Variants in SELP observed in about 807,000 individuals in gnomAD.
SELP encodes the protein selectin P.
In SELP, 92 loss-of-function variants were observed where a neutral mutation model predicts 104.1. That is an observed-to-expected ratio of 0.88 (90% CI 0.75 to 1.05). The LOEUF (loss-of-function observed/expected upper bound fraction) is 1.05, where lower values mean the gene tolerates loss of function less well. Among genes scored for constraint, SELP ranks in the 50% least tolerant of loss-of-function variants. SELP has a pLI of 0.00. For synonymous variants in SELP, 397 were observed against 364.5 expected (o/e 1.09, Z -1.01); for missense variants, 1,022 against 1,017.3 (o/e 1.00, Z -0.06).
chr1:169,591,411 A>C lies in SELP; in HGVS notation c.2438+15T>G. 1 of 1,571,924 alleles carries C rather than the reference A, an allele frequency of 6.4e-7. No individual in the cohort carries two copies. Among genetic ancestry groups the C allele is most frequent in the South Asian group, 1.2e-5 (1 of 84,816 alleles). ...GTAGCAAAATTTACTCAATCATAAA[A>C]CATTTCTACCTTACCTGTGAGGATT... On this transcript the variant is annotated intron_variant, in intron 15 of 16. Coordinates refer to ENST00000263686, the MANE Select transcript of SELP (RefSeq NM_003005.4).
rs139709223 is a variant in SELP at position 169,611,411 on chromosome 1, C to T, written c.1147+81G>A. ...TGCAAGAACTTAGAAGAGATCACCC[C>T]GACACTGAGAGCCCTTGGCCTCTCT... On this transcript the variant is annotated intron_variant, in intron 7 of 16. Coordinates refer to ENST00000263686, the MANE Select transcript of SELP (RefSeq NM_003005.4). The T allele has an allele frequency of 1.2e-4, 175 of 1,417,298 alleles. No homozygotes were observed. In the African/African-American group the frequency reaches 1.6e-3, roughly 13 times the overall value. The allele number at this position is 1,417,298 out of a possible 1,614,324, so 87.8% of individuals were successfully genotyped here.
intron 1 of SELP, among the ~76,000 whole-genome samples, chr1:169,620,108 C>T (rs1234088970): frequency 1.2e-4 from 18 of 151,902 alleles, no homozygotes; most frequent in Middle Eastern, 3.4e-3. Flanking sequence ...CTTGGGAGGT[C>T]GAGGCAGGAG....
intron 14 of SELP, 139 bp downstream of exon 14, chr1:169,593,465 CT>C: frequency 3.1e-6 from 2 of 644,892 alleles, no homozygotes; most frequent in Admixed American, 6.0e-5. Context: ...CTTATCTTGG[CT>C]TTATTTTCTT....
At chr1:169,629,337 TTTTA>T (rs1194096512) in intron 1 of SELP, among the ~76,000 whole-genome samples, 1 of 152,262 alleles carries the variant, frequency 6.6e-6, no homozygotes, top group African/African-American at 2.4e-5. Context: ...AGAATTTTCT[TTTTA>T]TTGTAACAAT....
chr1:169,622,940 T>C (rs1008981361), intron 1 of SELP, among the ~76,000 whole-genome samples: 2 of 152,222 alleles, frequency 1.3e-5, no homozygotes, highest in Non-Finnish European at 2.9e-5. Context: ...GGATAAACTT[T>C]AAGAAATTAT....
chr1:169,596,220 T>C (rs368003987), intron 11 of SELP, 86 bp from the exon 12 acceptor site: 11 of 1,188,248 alleles, frequency 9.3e-6, no homozygotes, highest in Non-Finnish European at 1.2e-6. Flanking sequence ...ATAACTGCTT[T>C]TCACTCCCTT....
Position 169,617,086 on chromosome 1 carries a change from G to A in SELP, c.423C>T (p.Ala141=). The A allele has an allele frequency of 6.2e-7, 1 of 1,613,754 alleles. No homozygotes were observed. The highest frequency in any genetic ancestry group is 2.2e-5 in the East Asian group (1 of 44,864). ...CVEIYIKSPS[A]PGKWNDEHCL... ...AGTGCTCATCATTCCACTTGCCAGG[G>A]GCTGACGGACTCTTGATGTATATCT... The change falls in exon 3 of 17, where the codon GCC becomes GCT. Residue 141 remains alanine, a synonymous_variant. Transcript: ENST00000263686.
chr1:169,596,998 G>T lies in SELP; in HGVS notation c.1884C>A (p.Thr628=), dbSNP rs1360588287. ...TSGRWSATPP[T]CKGIASLPTP... Reference sequence around the variant, plus strand: ...GCAAGTACATATTATTACCTTTGCAGGTTGGTGGAGTAGCTGACCATCTTC... The same window carrying T: ...GCAAGTACATATTATTACCTTTGCATGTTGGTGGAGTAGCTGACCATCTTC... Residue 628 remains threonine (T), a synonymous_variant, in exon 11 of 17, where the codon ACC becomes ACA. Coordinates refer to ENST00000263686, the MANE Select transcript of SELP (RefSeq NM_003005.4). 9 of 1,611,124 alleles carry T rather than the reference G, an allele frequency of 5.6e-6. No individual in the cohort carries two copies. The highest frequency in any genetic ancestry group is 7.6e-6 in the Non-Finnish European group (9 of 1,178,566).
rs1437308003 is a variant in SELP at position 169,611,637 on chromosome 1, G to A, written c.1002C>T (p.Thr334=). 4 of 1,614,000 alleles carry A rather than the reference G, an allele frequency of 2.5e-6. No individual in the cohort carries two copies. The highest frequency in any genetic ancestry group is 1.3e-5 in the African/African-American group (1 of 74,890). The change falls in exon 7 of 17, where the codon ACC becomes ACT. Residue 334 remains threonine (T), a synonymous_variant. Transcript: ENST00000263686. ...CQHLEAPSEG[T]MDCVHPLTAF... is the part of the protein sequence containing the mutation. ...CAGTGAGCGGATGAACACAGTCCATGGTTCCTTCACTGGGGGCTTCCAGGT... is the reference window on the plus strand; with the variant it reads ...CAGTGAGCGGATGAACACAGTCCATAGTTCCTTCACTGGGGGCTTCCAGGT...
At chr1:169,604,629 C>A (rs944874682) in intron 9 of SELP, among the ~76,000 whole-genome samples, 8 of 152,182 alleles carry the variant, frequency 5.3e-5, no homozygotes, top group African/African-American at 1.9e-4. Context: ...AGCTACATTC[C>A]TTTCAATCTG....
chr1:169,630,118 G>C lies in SELP; in HGVS notation c.-44C>G. The stretch of plus-strand genomic sequence containing the variant: ...GGTTTTCTGCCTTCTGCCCAACCCA[G>C]ACTGCTTACAGTCTCACTGCCTCCC... On this transcript the variant is annotated 5_prime_UTR_variant, in exon 1 of 17. Coordinates refer to ENST00000263686, the MANE Select transcript of SELP (RefSeq NM_003005.4). The C allele has an allele frequency of 2.5e-6, 4 of 1,613,982 alleles. No homozygotes were observed. Among genetic ancestry groups the C allele is most frequent in the Non-Finnish European group, 3.4e-6 (4 of 1,179,916 alleles).
chr1:169,626,210 G>A (rs575025184), intron 1 of SELP, among the ~76,000 whole-genome samples: 3 of 152,318 alleles, frequency 2.0e-5, no homozygotes, highest in Admixed American at 6.5e-5. Flanking sequence ...AGAAAAATAC[G>A]AGCCGGGGGT....
intron 1 of SELP, among the ~76,000 whole-genome samples, chr1:169,625,825 T>C (rs1309906620): frequency 6.6e-6 from 1 of 152,196 alleles, no homozygotes; most frequent in African/African-American, 2.4e-5. Context: ...ATAATTCCAG[T>C]CCTCATAGAA....
At chr1:169,600,015 G>A (rs1386950652) in intron 10 of SELP, among the ~76,000 whole-genome samples, 2 of 152,184 alleles carry the variant, frequency 1.3e-5, no homozygotes, top group African/African-American at 2.4e-5. Flanking sequence ...AACAGGCAGG[G>A]ACAGGAGGGA....
At chr1:169,611,810 G>A in intron 6 of SELP, 133 bp from the exon 7 acceptor site, 1 of 849,434 alleles carries the variant, frequency 1.2e-6, no homozygotes, top group Non-Finnish European at 1.8e-6. Flanking sequence ...CCCTAATGAT[G>A]TTTGTCCAGA....
intron 10 of SELP, among the ~76,000 whole-genome samples, chr1:169,599,418 T>C (rs1312857923): frequency 6.6e-6 from 1 of 152,148 alleles, no homozygotes; most frequent in Non-Finnish European, 1.5e-5. Context: ...TTTGCATTTA[T>C]TGCACGCTTA....
At chr1:169,606,922 A>G in intron 9 of SELP, 27 bp downstream of exon 9, 1 of 1,595,152 alleles carries the variant, frequency 6.3e-7, no homozygotes, top group Non-Finnish European at 8.6e-7. Context: ...ATTTATTTCC[A>G]TGATGTTAGA....
chr1:169,628,485 G>A (rs1295196684), intron 1 of SELP, among the ~76,000 whole-genome samples: 3 of 152,170 alleles, frequency 2.0e-5, no homozygotes, highest in Non-Finnish European at 4.4e-5. Flanking sequence ...TTAGCACTTC[G>A]CTGTAGAGCT....
intron 9 of SELP, among the ~76,000 whole-genome samples, chr1:169,606,073 G>A (rs1662178930): frequency 6.6e-6 from 1 of 152,174 alleles, no homozygotes; most frequent in Non-Finnish European, 1.5e-5. Context: ...TACCAGCACT[G>A]TGGGAGGCCG....
Sources: gnomAD v4.1 joint callset for allele counts (sites outside exome capture counted in the v4.1 genomes callset) on GRCh38, gnomAD v4.1.1 for gene constraint, MANE v1.5 for transcripts, NCBI Gene and HGNC (gene_info 2026-07-23, HGNC 2026-07-21) for gene names.